The following CECR2 variants were observed in gnomAD, a reference collection of about 807,000 sequenced individuals.
The protein encoded by CECR2 is chromatin remodeling regulator CECR2.
In CECR2, 30 loss-of-function variants were observed where a neutral mutation model predicts 154.5. The ratio of observed to expected loss-of-function variants is 0.19; its 90% CI spans 0.15 to 0.26. The LOEUF (loss-of-function observed/expected upper bound fraction) is 0.26. CECR2 is among the 10% of genes least tolerant of loss of function. The pLI, the probability that CECR2 is intolerant of heterozygous loss-of-function variation, is 1.00. For missense variants in CECR2, 1,743 were observed against 1,829.3 expected, an observed-to-expected ratio of 0.95 and a Z score of 0.86; for synonymous variants, 725 against 683.7, an observed-to-expected ratio of 1.06 and a Z score of -0.94.
chr22:17,507,497 C>T (rs2055868644), intron 7 of CECR2, among the ~76,000 whole-genome samples: 2 of 152,116 alleles, frequency 1.3e-5, no homozygotes, highest in African/African-American at 4.8e-5. Context: ...AGTCATGGCA[C>T]ATTAAATTAT....
intron 8 of CECR2, among the ~76,000 whole-genome samples, chr22:17,518,287 G>T (rs930307444): frequency 3.3e-5 from 5 of 152,172 alleles, no homozygotes; most frequent in African/African-American, 1.2e-4. Flanking sequence ...CACACTTGAT[G>T]TCCCCGTGCT....
Position 17,395,824 on chromosome 22 carries a change from G to T in CECR2, c.126+25915G>T, listed in dbSNP as rs190578727. ...TCATGGTTTTTATTTTGTTGTAAAA[G>T]GGTAATAAGTTGTTTATTTTTATAT... On this transcript the variant is annotated intron_variant, in intron 1 of 18. Coordinates refer to ENST00000262608, the MANE Select transcript of CECR2 (RefSeq NM_001290047.2). Among the ~76,000 whole-genome samples the T allele has an allele frequency of 1.2e-4, 19 of 152,086 alleles. No individual in the cohort carries two copies. The East Asian group carries it at 2.9e-3, about 23-fold the overall frequency.
At chr22:17,460,262 G>A (rs943917605) in intron 1 of CECR2, among the ~76,000 whole-genome samples, 3 of 152,110 alleles carry the variant, frequency 2.0e-5, no homozygotes, top group Admixed American at 2.0e-4. Context: ...CAGAATGGAG[G>A]ACAATGGCAT....
intron 2 of CECR2, among the ~76,000 whole-genome samples, chr22:17,489,882 C>CTTT (rs139768297): frequency 5.9e-4 from 83 of 140,502 alleles, no homozygotes; most frequent in African/African-American, 1.8e-3. Context: ...TTAGCTTGCT[C>CTTT]TTTTTTTTTT....
At chr22:17,483,646 T>C (rs2055368683) in intron 2 of CECR2, among the ~76,000 whole-genome samples, 1 of 152,224 alleles carries the variant, frequency 6.6e-6, no homozygotes, top group South Asian at 2.1e-4. Context: ...TGTTTTAGGC[T>C]GTTATTACAA....
rs375381170 is a variant in CECR2, at chr22:17,524,111, C to T, written c.955-7C>T. 1.3e-6 allele frequency: 2 copies of T among 1,576,328 alleles called. No homozygotes were observed. The highest frequency in any genetic ancestry group is 1.7e-6 in the Non-Finnish European group (2 of 1,160,680). On this transcript the variant is annotated splice_polypyrimidine_tract_variant and splice_region_variant and intron_variant, in intron 8 of 18. Transcript: ENST00000262608. ...ACTGACCGGATGTGCTCATTGGCTC[C>T]TCACAGGAGACTCCTGTGCTGACCA...
chr22:17,444,398 G>A (rs1198037932), intron 1 of CECR2, among the ~76,000 whole-genome samples: 2 of 152,052 alleles, frequency 1.3e-5, no homozygotes, highest in African/African-American at 2.4e-5. Context: ...AGACCAAGAC[G>A]GGCAGATCAG....
chr22:17,414,001 C>T (rs1206984018), intron 1 of CECR2, among the ~76,000 whole-genome samples: 1 of 143,880 alleles, frequency 7.0e-6, no homozygotes, highest in South Asian at 2.2e-4. Context: ...GAGACGGAGT[C>T]TTGCTCTGTC....
In CECR2 at chr22:17,476,984, G is replaced by A. The variant is rs150044017; in HGVS notation, c.127-604G>A. 5.6e-4 allele frequency: 332 copies of A among 594,758 alleles called. 2 individuals are homozygous for A. In the East Asian group the frequency reaches 7.4e-3, roughly 13 times the overall value. 36.8% of individuals were successfully genotyped at this position (594,758 alleles called of 1,614,324 possible). A position where few individuals can be genotyped will look rare whatever the true frequency, so the allele number is the denominator to read the frequency against. On this transcript the variant is annotated intron_variant, in intron 1 of 18. Coordinates refer to ENST00000262608, the MANE Select transcript of CECR2 (RefSeq NM_001290047.2). The stretch of plus-strand genomic sequence containing the variant: ...GGAAAGCAAAGACATTCACAGAGAC[G>A]TTACCTCATTCTGTTTAGATGATGT...
At chr22:17,522,158 C>T (rs569966442) in intron 8 of CECR2, among the ~76,000 whole-genome samples, 1 of 152,220 alleles carries the variant, frequency 6.6e-6, no homozygotes, top group South Asian at 2.1e-4. Context: ...ACTGTAGTGA[C>T]AAGGCTCAGT....
chr22:17,365,777 A>G (rs2062999223), upstream of CECR2, among the ~76,000 whole-genome samples: 5 of 152,018 alleles, frequency 3.3e-5, no homozygotes, highest in East Asian at 9.7e-4. Context: ...AGGCTGAGGC[A>G]GGAGGATTGC....
Position 17,542,571 on chromosome 22 carries a change from G to T in CECR2, c.2428G>T (p.Asp810Tyr). 2 of 1,614,014 alleles carry T rather than the reference G, an allele frequency of 1.2e-6. No homozygotes were observed. Among genetic ancestry groups the T allele is most frequent in the Non-Finnish European group, 1.7e-6 (2 of 1,179,896 alleles). ...GCCTCGCACTCTCGGTCACGTGATGGATTCCCGAGTCATGAGACCACCTGT... is the reference window on the plus strand; with the variant it reads ...GCCTCGCACTCTCGGTCACGTGATGTATTCCCGAGTCATGAGACCACCTGT... ...HQPRTLGHVMDSRVMRPPVPP... is the reference protein window; with the variant it reads ...HQPRTLGHVMYSRVMRPPVPP... The change falls in exon 16 of 19, where the codon GAT becomes TAT. Residue 810 changes from aspartate (D) to tyrosine (Y), a missense_variant. By Grantham distance (160) the Asp-to-Tyr change is radical (BLOSUM62 -3). Coordinates refer to ENST00000262608, the MANE Select transcript of CECR2 (RefSeq NM_001290047.2).
chr22:17,462,480 C>T (rs576136627), intron 1 of CECR2, among the ~76,000 whole-genome samples: 51 of 152,012 alleles, frequency 3.4e-4, no homozygotes, highest in Non-Finnish European at 5.9e-4. Context: ...TGATGAATTG[C>T]GAGGAGTCTT....
At chr22:17,420,354 G>A (rs954449123) in intron 1 of CECR2, among the ~76,000 whole-genome samples, 2 of 152,154 alleles carry the variant, frequency 1.3e-5, no homozygotes, top group Non-Finnish European at 2.9e-5. Flanking sequence ...TTCTCTCAGT[G>A]AGCTCTGAGT....
intron 1 of CECR2, among the ~76,000 whole-genome samples, chr22:17,428,013 G>A (rs2518745): frequency 0.33 from 50,458 of 151,930 alleles, 8,706 homozygotes; most frequent in African/African-American, 0.43. Flanking sequence ...TTTAATGATC[G>A]CCATTCTAAC....
At chr22:17,512,219 A>G (rs1005260636) in intron 8 of CECR2, among the ~76,000 whole-genome samples, 1 of 151,920 alleles carries the variant, frequency 6.6e-6, no homozygotes, top group Admixed American at 6.6e-5. Flanking sequence ...CGGAAGGAGA[A>G]TTTGAGTAGG....
In CECR2 at chr22:17,555,173, C is replaced by A. The variant is rs1327058034; in HGVS notation, c.*2333C>A. ...ACTCTTCCAGGTAATCCTGTCTCCT[C>A]TCTCTCCCAGTGACCGCCCCAATCA... On this transcript the variant is annotated 3_prime_UTR_variant, in exon 19 of 19. Transcript: ENST00000262608. 1.3e-5 allele frequency: 2 copies of A among 152,330 alleles called. No homozygotes were observed. The highest frequency in any genetic ancestry group is 4.8e-5 in the African/African-American group (2 of 41,454). 9.4% of individuals were successfully genotyped at this position (152,330 alleles called of 1,614,324 possible). A position where few individuals can be genotyped will look rare whatever the true frequency, so the allele number is the denominator to read the frequency against.
intron 1 of CECR2, among the ~76,000 whole-genome samples, chr22:17,383,219 C>T (rs867147533): frequency 1.3e-5 from 2 of 152,022 alleles, no homozygotes; most frequent in Admixed American, 6.6e-5. Context: ...AGCAAGACTC[C>T]GTCTCCAAAA....
intron 6 of CECR2, among the ~76,000 whole-genome samples, chr22:17,504,300 A>G (rs1420423590): frequency 1.3e-5 from 2 of 151,894 alleles, no homozygotes; most frequent in Non-Finnish European, 2.9e-5. Flanking sequence ...GCTTGAGCCC[A>G]GGAGGTGTAG....
Sources: gnomAD v4.1 joint callset for allele counts (sites outside exome capture counted in the v4.1 genomes callset) on GRCh38, gnomAD v4.1.1 for gene constraint, MANE v1.5 for transcripts, NCBI Gene and HGNC (gene_info 2026-07-23, HGNC 2026-07-21) for gene names.